ZNF385D: variants seen among roughly 807,000 people sequenced by gnomAD.
ZNF385D encodes zinc finger protein 385D.
Under a neutral mutation model 35.8 loss-of-function variants are expected in ZNF385D, and 15 were observed. The ratio of observed to expected loss-of-function variants is 0.42; its 90% CI spans 0.28 to 0.64. The LOEUF (loss-of-function observed/expected upper bound fraction) is 0.64, where lower values mean the gene tolerates loss of function less well. Ranked by LOEUF, ZNF385D falls within the 30% of genes least tolerant of loss-of-function variation. The pLI is 0.23. For synonymous variants in ZNF385D, 212 were observed against 186.8 expected, an observed-to-expected ratio of 1.13 and a Z score of -1.10; for missense variants, 474 against 494.6, an observed-to-expected ratio of 0.96 and a Z score of 0.39.
chr3:22,005,056 C>CA (rs71044965), intron 3 of ZNF385D, among the ~76,000 whole-genome samples: 2,775 of 57,268 alleles, frequency 0.048, 459 homozygotes, highest in Non-Finnish European at 0.066. Context: ...CACTCAGCAG[C>CA]AAAAAAAAAA....
intron 4 of ZNF385D, among the ~76,000 whole-genome samples, chr3:21,440,678 A>C (rs1471491849): frequency 6.6e-6 from 1 of 152,158 alleles, no homozygotes; most frequent in African/African-American, 2.4e-5. Flanking sequence ...GATGCAGGGT[A>C]TATGGGAACT....
chr3:21,825,918 A>G (rs1694585564), intron 3 of ZNF385D, among the ~76,000 whole-genome samples: 1 of 152,070 alleles, frequency 6.6e-6, no homozygotes, highest in South Asian at 2.1e-4. Context: ...GGGGCATTAG[A>G]TTGTTTTAGG....
intron 3 of ZNF385D, among the ~76,000 whole-genome samples, chr3:22,099,399 A>T (rs749557829): frequency 1.3e-5 from 2 of 152,112 alleles, no homozygotes; most frequent in Non-Finnish European, 2.9e-5. Flanking sequence ...TTCTTAAAGT[A>T]TGAGTTGTAA....
At chr3:21,715,218 T>C (rs1045007405) in intron 1 of ZNF385D, among the ~76,000 whole-genome samples, 5 of 152,154 alleles carry the variant, frequency 3.3e-5, no homozygotes, top group African/African-American at 9.7e-5. Context: ...ACTCATTAAG[T>C]ATTTTTTCCT....
rs547212305 is a variant in ZNF385D, at chr3:22,338,221, G to A, written c.106+34229C>T. 3.4e-4 allele frequency among the ~76,000 whole-genome samples: 52 copies of A among 152,140 alleles called. 2 individuals are homozygous for A. In the South Asian group the frequency reaches 9.4e-3, roughly 27 times the overall value. ...TATCTCAATGTTTTCCTTATACTTC[G>A]GTGCAGACTTAGTTTTATGTACAGT... On this transcript the variant is annotated intron_variant, in intron 2 of 5. Coordinates refer to the ZNF385D transcript ENST00000494108.
At chr3:22,257,190 A>G (rs905106492) in intron 2 of ZNF385D, among the ~76,000 whole-genome samples, 2 of 151,820 alleles carry the variant, frequency 1.3e-5, no homozygotes, top group Admixed American at 6.6e-5. Flanking sequence ...ATCTGCCCCC[A>G]TATTTTCAAA....
chr3:22,203,456 T>A (rs1427488592), intron 2 of ZNF385D, among the ~76,000 whole-genome samples: 3 of 152,236 alleles, frequency 2.0e-5, no homozygotes, highest in East Asian at 3.9e-4. Context: ...AGAGATCCCT[T>A]CTTCTTGAGA....
intron 3 of ZNF385D, among the ~76,000 whole-genome samples, chr3:22,151,797 C>T (rs904055125): frequency 4.6e-5 from 7 of 152,032 alleles, no homozygotes; most frequent in East Asian, 3.9e-4. Context: ...AATTAACCAC[C>T]GTGAGCCCTT....
At chr3:22,255,608 A>G (rs777443584) in intron 2 of ZNF385D, among the ~76,000 whole-genome samples, 14 of 151,832 alleles carry the variant, frequency 9.2e-5, no homozygotes, top group Non-Finnish European at 1.0e-4. Context: ...GGCCTCTATT[A>G]TATTTCTACC....
At chr3:21,924,662 T>A (rs1445530956) in intron 3 of ZNF385D, among the ~76,000 whole-genome samples, 1 of 152,128 alleles carries the variant, frequency 6.6e-6, no homozygotes, top group Admixed American at 6.6e-5. Flanking sequence ...AGCTGGGACA[T>A]TCATCTCTAT....
chr3:21,944,498 CT>C (rs1256763902), intron 3 of ZNF385D, among the ~76,000 whole-genome samples: 1 of 152,176 alleles, frequency 6.6e-6, no homozygotes, highest in African/African-American at 2.4e-5. Context: ...CAAAGAGGAA[CT>C]TTTCTGCTGG....
intron 3 of ZNF385D, among the ~76,000 whole-genome samples, chr3:21,902,855 A>T (rs1216658343): frequency 6.6e-6 from 1 of 152,170 alleles, no homozygotes; most frequent in Non-Finnish European, 1.5e-5. Context: ...ATAATAATTA[A>T]AAAACTGATA....
chr3:21,704,418 T>C (rs2067821065), intron 1 of ZNF385D, among the ~76,000 whole-genome samples: 1 of 151,960 alleles, frequency 6.6e-6, no homozygotes, highest in Non-Finnish European at 1.5e-5. Context: ...TGTCTTCCCC[T>C]TGAATACCAT....
intron 2 of ZNF385D, among the ~76,000 whole-genome samples, chr3:22,214,487 G>T (rs1281633995): frequency 6.6e-6 from 1 of 152,070 alleles, no homozygotes; most frequent in African/African-American, 2.4e-5. Flanking sequence ...GAGCCAGGCG[G>T]AACAGAGCCA....
chr3:22,232,351 C>T (rs115103606), intron 2 of ZNF385D, among the ~76,000 whole-genome samples: 11 of 148,292 alleles, frequency 7.4e-5, no homozygotes, highest in African/African-American at 2.7e-4. Context: ...CCTACTTGAA[C>T]TTTGTATTTT....
At position 22,315,731 on chromosome 3, in the gene ZNF385D, G is replaced by C. The variant is rs186160686; in HGVS notation, c.106+56719C>G. Among the ~76,000 whole-genome samples, 628 of 152,274 alleles carry C rather than the reference G, an allele frequency of 4.1e-3. 3 individuals carry two copies. The highest frequency in any genetic ancestry group is 0.015 in the African/African-American group (605 of 41,568). The stretch of plus-strand genomic sequence containing the variant: ...TTGCCTCACAGGCTGGCTGTTCTCA[G>C]TCATTCCCAGGAAAAAGCCAAGCTC... On this transcript the variant is annotated intron_variant, in intron 2 of 5. Transcript: ENST00000494108.
At position 22,278,352 on chromosome 3, in the gene ZNF385D, G is replaced by A. The variant is rs1385826143; in HGVS notation, c.106+94098C>T. Among the ~76,000 whole-genome samples the A allele has an allele frequency of 1.3e-5, 2 of 152,056 alleles. 1 individual carries two copies. Among genetic ancestry groups the A allele is most frequent in the African/African-American group, 4.8e-5 (2 of 41,432 alleles). ...AGCAAGCATTTGCTCATCCACTATA[G>A]AAGTCTTTGGTAATTGATTCATTGA... On this transcript the variant is annotated intron_variant, in intron 2 of 5. Coordinates refer to the ZNF385D transcript ENST00000494108.
At chr3:21,536,323 A>T (rs2125548011) in intron 3 of ZNF385D, among the ~76,000 whole-genome samples, 1 of 152,218 alleles carries the variant, frequency 6.6e-6, no homozygotes, top group South Asian at 2.1e-4. Flanking sequence ...ATGTCAGAAA[A>T]TGGAGTAAGT....
intron 2 of ZNF385D, among the ~76,000 whole-genome samples, chr3:22,305,718 C>G (rs887886379): frequency 6.6e-6 from 1 of 152,062 alleles, no homozygotes; most frequent in Non-Finnish European, 1.5e-5. Context: ...CTTCAAGGAG[C>G]CTAGGAAGTA....
Sources: gnomAD v4.1 joint callset for allele counts (sites outside exome capture counted in the v4.1 genomes callset) on GRCh38, gnomAD v4.1.1 for gene constraint, MANE v1.5 for transcripts, NCBI Gene and HGNC (gene_info 2026-07-23, HGNC 2026-07-21) for gene names.